The following LPAR6 variants were observed in gnomAD, a reference collection of about 807,000 sequenced individuals.
The protein encoded by LPAR6 is G-protein coupled purinergic receptor P2Y5.
Under a neutral mutation model 22.0 loss-of-function variants are expected in LPAR6, and 17 were observed. The ratio of observed to expected loss-of-function variants is 0.77; its 90% CI spans 0.53 to 1.16. The LOEUF (loss-of-function observed/expected upper bound fraction) is 1.16, where lower values mean the gene tolerates loss of function less well. LPAR6 is among the 50% of genes most tolerant of loss of function. The probability of loss-of-function intolerance (pLI) is 0.00; values close to 1 mark genes in which losing one functional copy is unlikely to be tolerated. For synonymous variants in LPAR6, 136 were observed against 139.8 expected, an observed-to-expected ratio of 0.97 and a Z score of 0.19; for missense variants, 384 against 406.9, an observed-to-expected ratio of 0.94 and a Z score of 0.48.
At chr13:48,432,803 A>C (rs1220738507) in intron 1 of LPAR6, among the ~76,000 whole-genome samples, 2 of 152,118 alleles carry the variant, frequency 1.3e-5, no homozygotes, top group African/African-American at 4.8e-5. Flanking sequence ...TATAGGAGAG[A>C]TATTACTATT....
chr13:48,430,790 G>A (rs937871091), upstream of LPAR6, among the ~76,000 whole-genome samples: 1 of 151,642 alleles, frequency 6.6e-6, no homozygotes, highest in African/African-American at 2.4e-5. Context: ...GTAGAGGCCT[G>A]CTGTGGCTCA....
chr13:48,424,284 C>T (rs1322415240), intron 1 of LPAR6, among the ~76,000 whole-genome samples: 2 of 152,168 alleles, frequency 1.3e-5, no homozygotes, highest in African/African-American at 2.4e-5. Context: ...GGTATCATTT[C>T]GAAGTGATTT....
chr13:48,436,077 A>G (rs1949180565), intron 1 of LPAR6, among the ~76,000 whole-genome samples: 1 of 152,206 alleles, frequency 6.6e-6, no homozygotes, highest in Non-Finnish European at 1.5e-5. Context: ...TCCTGGATGG[A>G]ACTGAGGTTA....
chr13:48,441,785 C>T (rs562247955), intron 1 of LPAR6, among the ~76,000 whole-genome samples: 14 of 152,222 alleles, frequency 9.2e-5, no homozygotes, highest in African/African-American at 3.4e-4. Context: ...GTTAGATTCC[C>T]ATTGGCAAAA....
At chr13:48,403,493 A>G (rs1172375118) in intron 1 of LPAR6, among the ~76,000 whole-genome samples, 1 of 152,118 alleles carries the variant, frequency 6.6e-6, no homozygotes, top group Admixed American at 6.5e-5. Flanking sequence ...AGAGAAAACC[A>G]CAGCACACAA....
chr13:48,394,640 C>T (rs1311210941), intron 1 of LPAR6, among the ~76,000 whole-genome samples: 3 of 152,202 alleles, frequency 2.0e-5, no homozygotes, highest in African/African-American at 7.2e-5. Flanking sequence ...GAAGTTCAAA[C>T]TGGGCAGAGC....
At chr13:48,442,301 C>T (rs1593520710) in intron 1 of LPAR6, among the ~76,000 whole-genome samples, 1 of 152,032 alleles carries the variant, frequency 6.6e-6, no homozygotes, top group Non-Finnish European at 1.5e-5. Context: ...CCTGGGTTCA[C>T]GCCATTCTCC....
chr13:48,406,025 T>C (rs186779100), intron 1 of LPAR6, among the ~76,000 whole-genome samples: 20 of 152,170 alleles, frequency 1.3e-4, no homozygotes, highest in Non-Finnish European at 2.5e-4. Flanking sequence ...TCTGTTCAAC[T>C]AGTTTTCTAT....
In LPAR6 at chr13:48,419,564, C is replaced by T. The variant is rs139508457; in HGVS notation, c.-953-2244G>A. 3.2e-3 allele frequency among the ~76,000 whole-genome samples: 489 copies of T among 152,012 alleles called. 3 individuals are homozygous for T. The highest frequency in any genetic ancestry group is 0.011 in the African/African-American group (466 of 41,482). ...AGAAGAACTGAAGGAGAGAGAAACA[C>T]GAAAAACCCTTCAAAAAATCAATGA... On this transcript the variant is annotated intron_variant, in intron 2 of 4. Transcript: ENST00000345941.
downstream of LPAR6, chr13:48,408,803 A>G (rs1337214696): frequency 6.6e-6 from 1 of 152,200 alleles, no homozygotes; most frequent in Non-Finnish European, 1.5e-5. Context: ...TTCTTTATGA[A>G]CATAGTAATA....
At chr13:48,419,099 C>G (rs948268946) in intron 2 of LPAR6, among the ~76,000 whole-genome samples, 2 of 152,142 alleles carry the variant, frequency 1.3e-5, no homozygotes, top group African/African-American at 4.8e-5. Context: ...TTCTTAGCAC[C>G]ACATCACACT....
chr13:48,428,808 A>G (rs1593508364), upstream of LPAR6, among the ~76,000 whole-genome samples: 1 of 152,226 alleles, frequency 6.6e-6, no homozygotes, highest in East Asian at 1.9e-4. Context: ...GCTGCTTTCA[A>G]ATAATTAGAA....
intron 1 of LPAR6, among the ~76,000 whole-genome samples, chr13:48,433,144 T>C (rs1949147143): frequency 6.6e-6 from 1 of 152,150 alleles, no homozygotes; most frequent in Non-Finnish European, 1.5e-5. Flanking sequence ...AACATACATG[T>C]AAGCTACTAA....
At chr13:48,390,221 A>G (rs950050833) in intron 1 of LPAR6, among the ~76,000 whole-genome samples, 1 of 152,214 alleles carries the variant, frequency 6.6e-6, no homozygotes, top group African/African-American at 2.4e-5. Context: ...TAAATAATTC[A>G]TTCATTAAAT....
At chr13:48,424,954 T>G (rs1408655692) in intron 1 of LPAR6, among the ~76,000 whole-genome samples, 1 of 151,866 alleles carries the variant, frequency 6.6e-6, no homozygotes, top group Non-Finnish European at 1.5e-5. Context: ...CTCAGAAGGC[T>G]AAGGCAGGAG....
chr13:48,391,825 A>G lies in LPAR6; in HGVS notation n.115-2013T>C, dbSNP rs555673600. ...GTAGAGAAAGGGTTTCACCATGTTG[A>G]TCAGGCTGGTCTCGAACTCCTGACC... On this transcript the variant is annotated intron_variant and non_coding_transcript_variant, in intron 1 of 1. Transcript: ENST00000462781. Among the ~76,000 whole-genome samples the G allele has an allele frequency of 7.2e-5, 11 of 151,850 alleles. No individual in the cohort carries two copies. In the East Asian group the frequency reaches 2.2e-3, roughly 30 times the overall value.
At chr13:48,399,177 A>C (rs987506115) in intron 1 of LPAR6, among the ~76,000 whole-genome samples, 1 of 152,022 alleles carries the variant, frequency 6.6e-6, no homozygotes, top group Non-Finnish European at 1.5e-5. Flanking sequence ...TGAAATAGAC[A>C]TCTAGATTGT....
Position 48,411,694 on chromosome 13 carries a change from G to A in LPAR6, c.730C>T (p.Pro244Ser), listed in dbSNP as rs1208093406. Residue 244 changes from proline to serine, a missense_variant, in exon 1 of 1, where the codon CCT becomes TCT. By Grantham distance (74) the Pro-to-Ser change is moderately conservative (BLOSUM62 -1). Transcript: ENST00000620633. ...TATAAAATAAGATTGATATTGTAAG[G>A]AACAAAACAGAAACAGAATATGATC... ...HLIIFCFCFV[P>S]YNINLILYSL... 1 of 1,607,166 alleles carries A rather than the reference G, an allele frequency of 6.2e-7. No homozygotes were observed. Among genetic ancestry groups the A allele is most frequent in the African/African-American group, 1.3e-5 (1 of 74,694 alleles).
chr13:48,390,460 C>T (rs766676030), intron 1 of LPAR6, among the ~76,000 whole-genome samples: 14 of 151,982 alleles, frequency 9.2e-5, no homozygotes, highest in Non-Finnish European at 2.1e-4. Flanking sequence ...GGACATGTAG[C>T]AAGGAGGAAT....
Sources: allele counts gnomAD v4.1 joint callset (sites outside exome capture counted in the v4.1 genomes callset), GRCh38; gene constraint gnomAD v4.1.1; transcripts MANE v1.5; gene names NCBI Gene and HGNC (gene_info 2026-07-23, HGNC 2026-07-21).